The following ANXA1 variants were observed in gnomAD, a reference collection of about 807,000 sequenced individuals.
The protein encoded by ANXA1 is annexin A1.
In ANXA1, 39 loss-of-function variants were observed where a neutral mutation model predicts 47.9. The ratio of observed to expected loss-of-function variants is 0.81; its 90% confidence interval spans 0.63 to 1.06. The LOEUF (loss-of-function observed/expected upper bound fraction) is 1.06. ANXA1 is among the 50% of genes least tolerant of loss of function. ANXA1 has a pLI of 0.00. For missense variants in ANXA1, 446 were observed against 422.7 expected, an observed-to-expected ratio of 1.06 and a Z score of -0.48; for synonymous variants, 146 against 142.5, an observed-to-expected ratio of 1.02 and a Z score of -0.17.
rs558900093 is a variant in ANXA1, at chr9:73,154,213, G to A, written c.-15+2289G>A. The stretch of plus-strand genomic sequence containing the variant: ...CTCTCACCAGGGAAGGTGTGGGAAG[G>A]ACTTGTGAAATACATATTCGAGGAA... On this transcript the variant is annotated intron_variant, in intron 1 of 12. Transcript: ENST00000257497. The A allele has an allele frequency of 5.3e-4, 490 of 924,144 alleles. 2 individuals carry two copies. Among genetic ancestry groups the A allele is most frequent in the Non-Finnish European group, 6.9e-4 (442 of 644,476 alleles). 57.2% of individuals were successfully genotyped at this position (924,144 alleles called of 1,614,324 possible).
At chr9:73,164,446 C>T (rs1435510374) in intron 8 of ANXA1, among the ~76,000 whole-genome samples, 1 of 152,022 alleles carries the variant, frequency 6.6e-6, no homozygotes, top group Non-Finnish European at 1.5e-5. Context: ...TTCTTATTTG[C>T]TTTTGACATT....
In ANXA1 at chr9:73,160,390, T is replaced by A; in HGVS notation, c.384+14T>A. ...GCTGCCATGAAGGTAAATCGCCCAA[T>A]TTGAGCAAACTCCTTTCCTCAAGAG... On this transcript the variant is annotated intron_variant, in intron 5 of 12. Transcript: ENST00000257497. 6.5e-7 allele frequency: 1 copy of A among 1,544,272 alleles called. No homozygotes were observed. Among genetic ancestry groups the A allele is most frequent in the Non-Finnish European group, 8.7e-7 (1 of 1,151,130 alleles).
chr9:73,158,467 G>A, intron 1 of ANXA1, 55 bp from the exon 2 acceptor site: 1 of 1,338,440 alleles, frequency 7.5e-7, no homozygotes, highest in South Asian at 1.2e-5. Flanking sequence ...TGAGGAAGGA[G>A]AGGTTGTGTG....
At chr9:73,166,229 G>A in intron 10 of ANXA1, 37 bp downstream of exon 10, 2 of 1,465,548 alleles carry the variant, frequency 1.4e-6, no homozygotes, top group Non-Finnish European at 1.9e-6. Context: ...TTTCTAACTA[G>A]AAATTGTATT....
intron 6 of ANXA1, among the ~76,000 whole-genome samples, chr9:73,161,975 G>A (rs531055810): frequency 1.2e-3 from 177 of 152,280 alleles, no homozygotes; most frequent in Non-Finnish European, 1.8e-3. Flanking sequence ...TATGGGACCA[G>A]CGTCTGCTTT....
intron 9 of ANXA1, 165 bp downstream of exon 9, chr9:73,165,374 T>G (rs1390382925): frequency 1.8e-6 from 1 of 549,054 alleles, no homozygotes; most frequent in African/African-American, 1.9e-5. Context: ...TGTCCAATTT[T>G]GTACAGCCGC....
intron 4 of ANXA1, chr9:73,159,660 A>G (rs1824106487): frequency 3.2e-6 from 1 of 317,222 alleles, no homozygotes; most frequent in Non-Finnish European, 5.9e-6. Flanking sequence ...TGCTCTGGGG[A>G]CAAATTTTTA....
At chr9:73,162,689 C>A in intron 6 of ANXA1, 93 bp from the exon 7 acceptor site, 3 of 830,312 alleles carry the variant, frequency 3.6e-6, no homozygotes, top group South Asian at 1.7e-5. Context: ...AACACTGTGG[C>A]ACTGTGAATT....
At chr9:73,160,119 A>G (rs1216521583) in intron 4 of ANXA1, 144 bp from the exon 5 acceptor site, 1 of 494,520 alleles carries the variant, frequency 2.0e-6, no homozygotes, top group Non-Finnish European at 3.5e-6. Flanking sequence ...TATTTGGTAC[A>G]CTTTGTATGT....
At chr9:73,164,708 T>G (rs1329035674) in intron 8 of ANXA1, among the ~76,000 whole-genome samples, 37 of 152,160 alleles carry the variant, frequency 2.4e-4, no homozygotes. Context: ...AATACAGAAA[T>G]TCTAACATCA....
intron 4 of ANXA1, among the ~76,000 whole-genome samples, 158 bp from the exon 5 acceptor site, chr9:73,160,105 A>G (rs983465606): frequency 3.3e-5 from 5 of 152,156 alleles, no homozygotes; most frequent in African/African-American, 1.2e-4. Flanking sequence ...ATAATGTTTC[A>G]AAATATTTGG....
chr9:73,159,538 A>G, intron 4 of ANXA1, 115 bp downstream of exon 4: 1 of 777,864 alleles, frequency 1.3e-6, no homozygotes, highest in Non-Finnish European at 2.0e-6. Flanking sequence ...TTCTCATTAC[A>G]TCTATGATTG....
intron 3 of ANXA1, 31 bp from the exon 4 acceptor site, chr9:73,159,298 G>A (rs746986725): frequency 1.3e-6 from 2 of 1,539,504 alleles, no homozygotes; most frequent in African/African-American, 2.7e-5. Flanking sequence ...AAGAAAATTG[G>A]TGTTAAAGGC....
intron 9 of ANXA1, 138 bp downstream of exon 9, chr9:73,165,347 ATTG>A (rs1824210003): frequency 3.4e-6 from 2 of 586,530 alleles, no homozygotes; most frequent in African/African-American, 1.9e-5. Flanking sequence ...TTCCTGACCC[ATTG>A]TTATTTGTCA....
At position 73,169,086 on chromosome 9, in the gene ANXA1, A is replaced by T. The variant is rs539626064; in HGVS notation, c.916A>T (p.Ile306Phe). 1 of 1,613,542 alleles carries T rather than the reference A, an allele frequency of 6.2e-7. No homozygotes were observed. Among genetic ancestry groups the T allele is most frequent in the African/African-American group, 1.3e-5 (1 of 75,008 alleles). The stretch of plus-strand genomic sequence containing the variant: ...CAGGATTATGGTTTCCCGTTCTGAA[A>T]TTGACATGAATGATATCAAAGCATT... ...LIRIMVSRSE[I>F]DMNDIKAFYQ... The change falls in exon 12 of 13, where the codon ATT becomes TTT. Residue 306 changes from isoleucine (I) to phenylalanine (F), a missense_variant. Coordinates refer to ENST00000257497, the MANE Select transcript of ANXA1 (RefSeq NM_000700.3).
chr9:73,156,527 GTTC>G (rs1443274565), intron 1 of ANXA1, among the ~76,000 whole-genome samples: 15 of 152,306 alleles, frequency 9.8e-5, no homozygotes, highest in African/African-American at 3.6e-4. Context: ...AAAAGTATTG[GTTC>G]TTCTCACAGA....
chr9:73,155,213 G>A (rs1335122053), intron 1 of ANXA1, among the ~76,000 whole-genome samples: 2 of 152,132 alleles, frequency 1.3e-5, no homozygotes, highest in Admixed American at 6.5e-5. Context: ...TGTATAAATG[G>A]CCAATTTCAC....
chr9:73,159,532 C>A, intron 4 of ANXA1, 109 bp downstream of exon 4: 1 of 815,400 alleles, frequency 1.2e-6, no homozygotes, highest in South Asian at 1.8e-5. Context: ...ACTGTTTTCT[C>A]ATTACATCTA....
intron 6 of ANXA1, 99 bp downstream of exon 6, chr9:73,160,992 G>T: frequency 1.3e-6 from 1 of 760,386 alleles, no homozygotes; most frequent in South Asian, 2.0e-5. Flanking sequence ...GGCAGCTTTG[G>T]AATCTCCACA....
Sources: gnomAD v4.1 joint callset for allele counts (sites outside exome capture counted in the v4.1 genomes callset) on GRCh38, gnomAD v4.1.1 for gene constraint, MANE v1.5 for transcripts, NCBI Gene and HGNC (gene_info 2026-07-23, HGNC 2026-07-21) for gene names.